Variants in ALK observed in about 807,000 individuals in gnomAD.
ALK encodes the protein ALK tyrosine kinase receptor.
A neutral mutation model predicts 163.1 loss-of-function variants in ALK; 74 were observed. The observed-to-expected ratio is 0.45, with a 90% CI of 0.38 to 0.55. The LOEUF is 0.55. Among genes scored for constraint, ALK ranks in the 20% least tolerant of loss-of-function variants. The pLI, the probability that ALK is intolerant of heterozygous loss-of-function variation, is 0.00. For missense variants in ALK, 2,063 were observed against 2,105.3 expected, an observed-to-expected ratio of 0.98 and a Z score of 0.39; for synonymous variants, 960 against 843.2, an observed-to-expected ratio of 1.14 and a Z score of -2.40.
chr2:29,708,599 C>A (rs1428526377), intron 2 of ALK, among the ~76,000 whole-genome samples: 1 of 152,156 alleles, frequency 6.6e-6, no homozygotes, highest in Non-Finnish European at 1.5e-5. Flanking sequence ...GCTGGAAACC[C>A]AAGGTATTCA....
At chr2:29,738,509 AAC>A (rs1679957449) in intron 1 of ALK, among the ~76,000 whole-genome samples, 1 of 152,072 alleles carries the variant, frequency 6.6e-6, no homozygotes, top group African/African-American at 2.4e-5. Flanking sequence ...GAGTGGTGAT[AAC>A]ACAGCCCATG....
chr2:29,272,509 G>T (rs1173842104), intron 11 of ALK, among the ~76,000 whole-genome samples: 1 of 152,160 alleles, frequency 6.6e-6, no homozygotes, highest in Non-Finnish European at 1.5e-5. Context: ...CAGAAGGGAG[G>T]GCTGCTGTGG....
At chr2:29,457,935 G>T (rs897547991) in intron 4 of ALK, among the ~76,000 whole-genome samples, 10 of 152,072 alleles carry the variant, frequency 6.6e-5, no homozygotes, top group Non-Finnish European at 7.4e-5. Flanking sequence ...TCAGCATCTT[G>T]AAAGTACTAT....
At chr2:29,390,721 C>T (rs145398181) in intron 4 of ALK, among the ~76,000 whole-genome samples, 1,619 of 152,226 alleles carry the variant, frequency 0.011, 19 homozygotes, top group Non-Finnish European at 0.016. Flanking sequence ...TTTACTGTTT[C>T]CATTAAATCA....
chr2:29,437,344 G>C lies in ALK; in HGVS notation c.1155-53485C>G, dbSNP rs60814472. Among the ~76,000 whole-genome samples the C allele has an allele frequency of 1.4e-3, 217 of 152,224 alleles. 1 individual carries two copies. The highest frequency in any genetic ancestry group is 4.4e-3 in the African/African-American group (182 of 41,536). Reference sequence around the variant, plus strand: ...AACATACGTAATGTGAGAAATAAAAGAGCAGCTTCTGACATTCAGAAGCTG... The same window carrying C: ...AACATACGTAATGTGAGAAATAAAACAGCAGCTTCTGACATTCAGAAGCTG... On this transcript the variant is annotated intron_variant, in intron 4 of 28. Coordinates refer to ENST00000389048, the MANE Select transcript of ALK (RefSeq NM_004304.5).
chr2:29,220,973 G>A (rs1471644595), intron 22 of ALK, 138 bp from the exon 23 acceptor site: 1 of 1,253,164 alleles, frequency 8.0e-7, no homozygotes, highest in South Asian at 1.3e-5. Context: ...GGGCAGCAGG[G>A]GTCCCGGGCT....
chr2:29,555,578 C>CT (rs778466597), intron 3 of ALK, among the ~76,000 whole-genome samples: 1 of 152,178 alleles, frequency 6.6e-6, no homozygotes, highest in Non-Finnish European at 1.5e-5. Context: ...TCTCCTTCCC[C>CT]TTCCCTTGGT....
chr2:29,395,544 G>C (rs1297801132), intron 4 of ALK, among the ~76,000 whole-genome samples: 1 of 152,166 alleles, frequency 6.6e-6, no homozygotes, highest in Non-Finnish European at 1.5e-5. Flanking sequence ...GGACATTGGA[G>C]GGTCTTCAGA....
At chr2:29,751,867 T>C (rs1440336194) in intron 1 of ALK, among the ~76,000 whole-genome samples, 1 of 152,234 alleles carries the variant, frequency 6.6e-6, no homozygotes, top group African/African-American at 2.4e-5. Context: ...GATGAAAATA[T>C]ACATAAACCC....
intron 4 of ALK, among the ~76,000 whole-genome samples, chr2:29,399,564 T>C (rs1003825038): frequency 2.6e-5 from 4 of 152,176 alleles, no homozygotes; most frequent in South Asian, 2.1e-4. Context: ...AGCTTGGGCT[T>C]GGGATTGGGA....
rs59025753 is a variant in ALK at position 29,725,173 on chromosome 2, A to AAAAAAAAAG, written c.668-7477_668-7476insCTTTTTTTT. Reference sequence around the variant, plus strand: ...CTATACCAAAAAAAAAAAAAAAAAAAGGAATCACAAAGAGGTTGCTCCAGA... The same window carrying AAAAAAAAAG: ...CTATACCAAAAAAAAAAAAAAAAAAAAAAAAAAAGGGAATCACAAAGAGGTTGCTCCAGA... On this transcript the variant is annotated intron_variant, in intron 1 of 28. Coordinates refer to ENST00000389048, the MANE Select transcript of ALK (RefSeq NM_004304.5). 2.0e-5 allele frequency among the ~76,000 whole-genome samples: 3 copies of AAAAAAAAAG among 149,984 alleles called. No homozygotes were observed. In the South Asian group the frequency reaches 6.4e-4, roughly 32 times the overall value.
At chr2:29,303,161 A>G (rs62130618) in intron 8 of ALK, among the ~76,000 whole-genome samples, 25,220 of 152,156 alleles carry the variant, frequency 0.17, 2,249 homozygotes, top group Middle Eastern at 0.2. Context: ...GAACTTAAAC[A>G]AATCAAGAAA....
At chr2:29,241,272 A>G (rs1192119258) in intron 12 of ALK, among the ~76,000 whole-genome samples, 1 of 152,154 alleles carries the variant, frequency 6.6e-6, no homozygotes, top group African/African-American at 2.4e-5. Context: ...TTGAGGAGGC[A>G]AAGTGGAGTG....
intron 4 of ALK, among the ~76,000 whole-genome samples, chr2:29,432,723 G>A (rs994971971): frequency 5.3e-5 from 8 of 150,982 alleles, no homozygotes; most frequent in African/African-American, 1.9e-4. Flanking sequence ...TGGTAAACTA[G>A]ATGTAGCCTT....
At chr2:29,331,354 T>C (rs1365737065) in intron 5 of ALK, among the ~76,000 whole-genome samples, 1 of 151,992 alleles carries the variant, frequency 6.6e-6, no homozygotes, top group Non-Finnish European at 1.5e-5. Flanking sequence ...GGATGGAAAA[T>C]ACAATATTTT....
intron 4 of ALK, among the ~76,000 whole-genome samples, chr2:29,445,926 C>T (rs1232117406): frequency 2.7e-5 from 4 of 147,142 alleles, no homozygotes; most frequent in Non-Finnish European, 3.0e-5. Flanking sequence ...GGTGAAACCC[C>T]GTCTCTACTA....
At chr2:29,678,587 A>T in intron 3 of ALK, among the ~76,000 whole-genome samples, 1 of 151,040 alleles carries the variant, frequency 6.6e-6, no homozygotes, top group Non-Finnish European at 1.5e-5. Context: ...TTAATTTCCT[A>T]ATAGTCAGGG....
rs1558509005 is a variant in ALK, at chr2:29,831,241, A to AAGAG, written c.667+88751_667+88752insCTCT. Among the ~76,000 whole-genome samples, 9 of 52,792 alleles carry AAGAG rather than the reference A, an allele frequency of 1.7e-4. 2 individuals carry two copies. Among genetic ancestry groups the AAGAG allele is most frequent in the African/African-American group, 6.3e-4 (9 of 14,262 alleles). The allele number at this position is 52,792 out of a possible 152,430, so 34.6% of individuals were successfully genotyped here. On this transcript the variant is annotated intron_variant, in intron 1 of 28. Coordinates refer to ENST00000389048, the MANE Select transcript of ALK (RefSeq NM_004304.5). ...AGGAAGAGGAAGAAGAAGAGGAAGA[A>AAGAG]GAAGAGGAAGAGGAAGAGGAAGAAG...
At chr2:29,546,784 T>G (rs1673566424) in intron 3 of ALK, among the ~76,000 whole-genome samples, 1 of 151,232 alleles carries the variant, frequency 6.6e-6, no homozygotes, top group South Asian at 2.1e-4. Flanking sequence ...TTTTTTTAAT[T>G]AAATATTTTA....
Sources: allele counts gnomAD v4.1 joint callset (sites outside exome capture counted in the v4.1 genomes callset), GRCh38; gene constraint gnomAD v4.1.1; transcripts MANE v1.5; gene names NCBI Gene and HGNC (gene_info 2026-07-23, HGNC 2026-07-21).